The following CCT2 variants were observed in gnomAD, a reference collection of about 807,000 sequenced individuals.
CCT2 encodes the protein chaperonin containing TCP1 subunit 2.
A neutral mutation model predicts 61.8 loss-of-function variants in CCT2; 18 were observed. The ratio of observed to expected loss-of-function variants is 0.29; its 90% CI spans 0.20 to 0.43. The LOEUF is 0.43. Among genes scored for constraint, CCT2 ranks in the 20% least tolerant of loss-of-function variants. CCT2 has a pLI of 1.00. For missense variants in CCT2, 556 were observed against 656.9 expected, an observed-to-expected ratio of 0.85 and a Z score of 1.68; for synonymous variants, 248 against 215.9, an observed-to-expected ratio of 1.15 and a Z score of -1.30.
chr12:69,589,397 G>A, intron 6 of CCT2, 88 bp from the exon 7 acceptor site: 1 of 847,728 alleles, frequency 1.2e-6, no homozygotes, highest in Non-Finnish European at 1.9e-6. Context: ...TGATCAGTTA[G>A]GGTAAAATTA....
At chr12:69,596,585 T>C (rs964505104) in intron 10 of CCT2, among the ~76,000 whole-genome samples, 7 of 152,210 alleles carry the variant, frequency 4.6e-5, no homozygotes, top group African/African-American at 1.7e-4. Flanking sequence ...CATTTCTTGT[T>C]TTTTTAGGCC....
chr12:69,595,781 A>T (rs1402326562), intron 10 of CCT2, among the ~76,000 whole-genome samples: 2 of 146,908 alleles, frequency 1.4e-5, no homozygotes, highest in African/African-American at 4.9e-5. Context: ...AAATTGCTCT[A>T]TACCCAGAAG....
At chr12:69,585,925 C>T (rs1350840814) in intron 1 of CCT2, 75 of 1,263,210 alleles carry the variant, frequency 5.9e-5, no homozygotes, top group Non-Finnish European at 7.4e-5. Context: ...GGCCGCGTTC[C>T]CTCGCCCGCC....
chr12:69,593,144 G>A (rs758386451), intron 9 of CCT2, 41 bp downstream of exon 9: 17 of 1,551,872 alleles, frequency 1.1e-5, no homozygotes, highest in Admixed American at 1.8e-5. Context: ...TTCCATGAAA[G>A]TTTATGGAAT....
intron 12 of CCT2, 76 bp from the exon 13 acceptor site, chr12:69,597,892 A>C: frequency 7.0e-7 from 1 of 1,435,870 alleles, no homozygotes; most frequent in East Asian, 2.4e-5. Flanking sequence ...AATGCTTGGC[A>C]TATCTTAAAG....
intron 4 of CCT2, 80 bp downstream of exon 4, chr12:69,587,696 G>A: frequency 1.1e-6 from 1 of 923,894 alleles, no homozygotes; most frequent in South Asian, 1.4e-5. Flanking sequence ...AATAGGCTGT[G>A]TTGACCAATC....
intron 2 of CCT2, 60 bp from the exon 3 acceptor site, chr12:69,586,693 T>G: frequency 2.5e-6 from 3 of 1,216,228 alleles, no homozygotes; most frequent in Non-Finnish European, 3.5e-6. Context: ...TAAATAAAGA[T>G]AAAACTGTAC....
intron 1 of CCT2, chr12:69,585,767 G>A: frequency 1.4e-6 from 2 of 1,412,308 alleles, no homozygotes; most frequent in Non-Finnish European, 1.8e-6. Flanking sequence ...GCATAGTCCC[G>A]GCAGCCCAGG....
At position 69,597,715 on chromosome 12, in the gene CCT2, C is replaced by G. The variant is rs1486291228; in HGVS notation, c.1180C>G (p.Leu394Val). 3.7e-6 allele frequency: 6 copies of G among 1,613,530 alleles called. No individual in the cohort carries two copies. The African/African-American group carries it at 4.0e-5, about 11-fold the overall frequency. ...AGCAGAAAGATCATTGCATGATGCT[C>G]TTTGTGTTCTTGCGCAAACTGTAAA... ...DEAERSLHDA[L>V]CVLAQTVKDS... is the part of the protein sequence containing the mutation. Residue 394 changes from leucine to valine, a missense_variant, in exon 12 of 16, where the codon CTT becomes GTT. Around this residue, in one of 3 missense-constraint regions of CCT2, gnomAD observed 225 missense variants for 249.8 expected, o/e 0.90. Transcript: ENST00000299300.
chr12:69,588,349 G>T (rs710777), intron 6 of CCT2, 87 bp downstream of exon 6: 1 of 944,306 alleles, frequency 1.1e-6, no homozygotes, highest in East Asian at 2.5e-5. Flanking sequence ...ACACTGAAAA[G>T]CATACACAAA....
chr12:69,596,028 T>C (rs913614064), intron 10 of CCT2, among the ~76,000 whole-genome samples: 2 of 152,236 alleles, frequency 1.3e-5, no homozygotes, highest in Non-Finnish European at 2.9e-5. Context: ...GCCTGGTGAA[T>C]AGTCATTGCG....
chr12:69,598,509 C>T lies in CCT2; in HGVS notation c.1435+88C>T, dbSNP rs888646028. 14 of 730,398 alleles carry T rather than the reference C, an allele frequency of 1.9e-5. No individual in the cohort carries two copies. In the African/African-American group the frequency reaches 2.5e-4, roughly 13 times the overall value. The allele number at this position is 730,398 out of a possible 1,614,324, so 45.2% of individuals were successfully genotyped here. On this transcript the variant is annotated intron_variant, in intron 14 of 15. Coordinates refer to ENST00000299300, the MANE Select transcript of CCT2 (RefSeq NM_006431.3). ...TTTTCTTTTGGAACATAAAGAGTTA[C>T]AATAACCGTATAAAAGACTCTTTTG...
chr12:69,586,167 GTT>G, intron 1 of CCT2, 101 bp from the exon 2 acceptor site: 1 of 1,162,364 alleles, frequency 8.6e-7, no homozygotes, highest in Admixed American at 2.0e-5. Context: ...TTGTAAATGA[GTT>G]TTCTCTTAGA....
At chr12:69,599,815 G>T in intron 14 of CCT2, 48 bp from the exon 15 acceptor site, 1 of 1,486,782 alleles carries the variant, frequency 6.7e-7, no homozygotes, top group South Asian at 1.2e-5. Context: ...GAGATGTTTT[G>T]ATACTTTAGT....
At chr12:69,590,559 A>T (rs1447884173) in intron 7 of CCT2, among the ~76,000 whole-genome samples, 2 of 151,334 alleles carry the variant, frequency 1.3e-5, no homozygotes, top group East Asian at 3.9e-4. Context: ...ATAGAGAAGG[A>T]AAAAAAAAGA....
chr12:69,598,192 C>A, intron 13 of CCT2, 121 bp downstream of exon 13: 1 of 970,426 alleles, frequency 1.0e-6, no homozygotes, highest in Non-Finnish European at 1.6e-6. Context: ...TTCTCCTCTT[C>A]GTGAGCAGTA....
At chr12:69,598,498 A>T (rs550331274) in intron 14 of CCT2, 77 bp downstream of exon 14, 1 of 845,680 alleles carries the variant, frequency 1.2e-6, no homozygotes, top group South Asian at 2.1e-5. Context: ...CTTTTGGAAC[A>T]TAAAGAGTTA....
chr12:69,598,097 G>A (rs752235474), intron 13 of CCT2, 26 bp downstream of exon 13: 72 of 1,518,616 alleles, frequency 4.7e-5, no homozygotes, highest in South Asian at 1.4e-4. Context: ...TGAGAGATCC[G>A]AACTTAAGTT....
Position 69,585,463 on chromosome 12 carries a change from C to G in CCT2, c.-59C>G, listed in dbSNP as rs1281462970. 10 of 1,550,006 alleles carry G rather than the reference C, an allele frequency of 6.5e-6. No homozygotes were observed. The highest frequency in any genetic ancestry group is 1.7e-6 in the Non-Finnish European group (2 of 1,144,724). On this transcript the variant is annotated 5_prime_UTR_variant, in exon 1 of 16. Coordinates refer to ENST00000299300, the MANE Select transcript of CCT2 (RefSeq NM_006431.3). The stretch of plus-strand genomic sequence containing the variant: ...GCGTCACTTCCGGCTTCCTTCAGTC[C>G]GCTGGTCCCGAGCACGAGCTGTGAG...
Sources: allele counts gnomAD v4.1 joint callset (sites outside exome capture counted in the v4.1 genomes callset), GRCh38; gene constraint gnomAD v4.1.1; regional missense constraint gnomAD v4.1.1; transcripts MANE v1.5; gene names NCBI Gene and HGNC (gene_info 2026-07-23, HGNC 2026-07-21).